Variants in HECTD4 observed in about 807,000 individuals in gnomAD.
HECTD4 encodes the protein probable E3 ubiquitin-protein ligase HECTD4.
In HECTD4, 114 loss-of-function variants were observed where a neutral mutation model predicts 471.5. The observed-to-expected ratio is 0.24, with a 90% CI of 0.21 to 0.28. The LOEUF is 0.28. HECTD4 is among the 10% of genes least tolerant of loss of function. The pLI is 1.00. For synonymous variants in HECTD4, 2,012 were observed against 2,256.0 expected (o/e 0.89, Z 3.07); for missense variants, 3,866 against 5,651.5 (o/e 0.68, Z 10.13).
chr12:112,300,015 A>G (rs2135672823), intron 7 of HECTD4, among the ~76,000 whole-genome samples: 2 of 152,302 alleles, frequency 1.3e-5, no homozygotes, highest in South Asian at 2.1e-4. Flanking sequence ...ACACTGAACT[A>G]TTAAAAAGGA....
intron 4 of HECTD4, among the ~76,000 whole-genome samples, chr12:112,311,526 C>A (rs1482384829): frequency 1.3e-5 from 2 of 148,688 alleles, no homozygotes; most frequent in African/African-American, 5.0e-5. Flanking sequence ...CAGGTGGCTA[C>A]GGTGGAAGGA....
intron 7 of HECTD4, among the ~76,000 whole-genome samples, chr12:112,293,364 C>CAAA (rs754332904): frequency 1.4e-5 from 1 of 69,882 alleles, no homozygotes; most frequent in East Asian, 3.1e-4. Flanking sequence ...GACTCTGTCT[C>CAAA]AAAAAAAAAA....
At chr12:112,208,322 G>A (rs1202182826) in intron 51 of HECTD4, among the ~76,000 whole-genome samples, 172 bp downstream of exon 51, 1 of 152,122 alleles carries the variant, frequency 6.6e-6, no homozygotes, top group East Asian at 1.9e-4. Flanking sequence ...TATTGATAGG[G>A]GTTTAGAAAA....
Position 112,381,149 on chromosome 12 carries a change from A to G in HECTD4, c.177+803T>C, listed in dbSNP as rs2036879486. Among the ~76,000 whole-genome samples the G allele has an allele frequency of 1.3e-5, 2 of 152,144 alleles. No homozygotes were observed. Among genetic ancestry groups the G allele is most frequent in the African/African-American group, 4.8e-5 (2 of 41,434 alleles). Reference sequence around the variant, plus strand: ...CACGAACCCAAGTGAAGTCGATGGAAAGTTCCCACCAACCAGGCATATTTG... The same window carrying G: ...CACGAACCCAAGTGAAGTCGATGGAGAGTTCCCACCAACCAGGCATATTTG... On this transcript the variant is annotated intron_variant, in intron 1 of 75. Coordinates refer to ENST00000682272, the MANE Select transcript of HECTD4 (RefSeq NM_001388303.1). This position sits in a 1 kb window ranked among gnomAD's most constrained non-coding sequence, Gnocchi z 4.1.
intron 17 of HECTD4, among the ~76,000 whole-genome samples, chr12:112,262,772 C>T (rs1006796353): frequency 3.3e-5 from 5 of 151,852 alleles, no homozygotes; most frequent in South Asian, 2.1e-4. Flanking sequence ...AGTGCCATCA[C>T]GCCCGGCTAA....
intron 16 of HECTD4, among the ~76,000 whole-genome samples, chr12:112,264,477 C>T (rs950174941): frequency 1.3e-5 from 2 of 151,986 alleles, no homozygotes; most frequent in African/African-American, 4.8e-5. Context: ...ATTATTCTTC[C>T]CCCTCCCTCT....
intron 68 of HECTD4, 109 bp downstream of exon 68, chr12:112,171,008 G>T: frequency 1.1e-6 from 1 of 869,910 alleles, no homozygotes; most frequent in Non-Finnish European, 1.7e-6. Flanking sequence ...AGGTGGGGTG[G>T]CATCTTCCTG....
At chr12:112,285,171 CT>C (rs2034724151) in intron 7 of HECTD4, among the ~76,000 whole-genome samples, 1 of 152,124 alleles carries the variant, frequency 6.6e-6, no homozygotes, top group Non-Finnish European at 1.5e-5. Context: ...ACACTTACCT[CT>C]GTGTAAAGTG....
rs915392130 is a variant in HECTD4, at chr12:112,162,722, G to A, written c.13121-199C>T. The A allele has an allele frequency of 2.1e-5, 13 of 619,294 alleles. No homozygotes were observed. Among genetic ancestry groups the A allele is most frequent in the African/African-American group, 1.1e-4 (6 of 54,132 alleles). The allele number at this position is 619,294 out of a possible 1,614,324, so 38.4% of individuals were successfully genotyped here. A position where few individuals can be genotyped will look rare whatever the true frequency, so the allele number is the denominator to read the frequency against. On this transcript the variant is annotated intron_variant, in intron 75 of 75. Transcript: ENST00000682272. The surrounding 1 kb of genome is among the most constrained non-coding windows in gnomAD (Gnocchi z 5.2). ...AAAGGGGAGAGAGCTGCTGGACAGC[G>A]CATGTGCCAAACTGCTGATGGGTTT...
In HECTD4 at chr12:112,382,180, C is replaced by T; in HGVS notation, c.-52G>A. 6 of 1,204,348 alleles carry T rather than the reference C, an allele frequency of 5.0e-6. No individual in the cohort carries two copies. The highest frequency in any genetic ancestry group is 5.2e-6 in the Non-Finnish European group (5 of 968,644). The allele number at this position is 1,204,348 out of a possible 1,614,324, so 74.6% of individuals were successfully genotyped here. On this transcript the variant is annotated 5_prime_UTR_variant, in exon 1 of 76. Transcript: ENST00000682272. ...GGAGCAGACGCCCGGCCGGGGGAAA[C>T]GGAGCAGGAGCCGCCGCGATCACCA...
At chr12:112,214,377 T>C (rs957937265) in intron 48 of HECTD4, among the ~76,000 whole-genome samples, 6 of 152,204 alleles carry the variant, frequency 3.9e-5, no homozygotes. Flanking sequence ...ATGGCTTAGG[T>C]ACCACAGGAA....
Position 112,308,741 on chromosome 12 carries a change from T to C in HECTD4, c.1164+12A>G. 1 of 1,524,882 alleles carries C rather than the reference T, an allele frequency of 6.6e-7. No individual in the cohort carries two copies. The allele number at this position is 1,524,882 out of a possible 1,614,324, so 94.5% of individuals were successfully genotyped here. A position where few individuals can be genotyped will look rare whatever the true frequency, so the allele number is the denominator to read the frequency against. Reference sequence around the variant, plus strand: ...AAAATATGTTTTAAAAATGCCTTGGTTTTCTGTTTACCTGAAGGGTGTTCT... The same window carrying C: ...AAAATATGTTTTAAAAATGCCTTGGCTTTCTGTTTACCTGAAGGGTGTTCT... On this transcript the variant is annotated intron_variant, in intron 6 of 75. Transcript: ENST00000682272.
intron 60 of HECTD4, among the ~76,000 whole-genome samples, chr12:112,187,513 C>T (rs578110922): frequency 2.0e-5 from 3 of 152,046 alleles, no homozygotes; most frequent in Admixed American, 1.3e-4. Flanking sequence ...GCTGGGATTA[C>T]AGGCGTGAGA....
At chr12:112,264,388 A>T (rs1593989552) in intron 16 of HECTD4, among the ~76,000 whole-genome samples, 176 bp from the exon 17 acceptor site, 1 of 152,212 alleles carries the variant, frequency 6.6e-6, no homozygotes, top group Admixed American at 6.5e-5. Context: ...ATACTTTGAC[A>T]CACTTACTAT....
Position 112,253,991 on chromosome 12 carries a change from G to A in HECTD4, c.3447+52C>T, listed in dbSNP as rs998068253. Reference sequence around the variant, plus strand: ...TACAGTTAGTACTTGGACCTGTGAGGACTGCAAGTTCATTTTCTTTTCTAG... The same window carrying A: ...TACAGTTAGTACTTGGACCTGTGAGAACTGCAAGTTCATTTTCTTTTCTAG... On this transcript the variant is annotated intron_variant, in intron 22 of 75. Transcript: ENST00000682272. The A allele has an allele frequency of 1.9e-6, 3 of 1,597,900 alleles. No homozygotes were observed. The South Asian group carries it at 3.3e-5, about 18-fold the overall frequency.
At position 112,161,747 on chromosome 12, in the gene HECTD4, T is replaced by C. The variant is rs2030698149; in HGVS notation, c.*640A>G. On this transcript the variant is annotated 3_prime_UTR_variant, in exon 76 of 76. Transcript: ENST00000682272. ...AGGGCCCAAAGAGACAGACGGCAGA[T>C]AGGGAGGTATGGGAGGGGCAGGGGA... is the stretch of plus-strand genomic sequence containing the variant. The C allele has an allele frequency of 6.6e-6, 1 of 152,050 alleles. No individual in the cohort carries two copies. Among genetic ancestry groups the C allele is most frequent in the African/African-American group, 2.4e-5 (1 of 41,352 alleles). The allele number at this position is 152,050 out of a possible 1,614,324, so 9.4% of individuals were successfully genotyped here.
At chr12:112,256,678 C>G (rs926386205) in intron 20 of HECTD4, 160 bp from the exon 21 acceptor site, 1 of 425,982 alleles carries the variant, frequency 2.3e-6, no homozygotes, top group Non-Finnish European at 4.0e-6. Flanking sequence ...TTTAAAAATT[C>G]CTACATTTAA....
chr12:112,253,339 G>A (rs1461725735), intron 22 of HECTD4, among the ~76,000 whole-genome samples: 1 of 151,926 alleles, frequency 6.6e-6, no homozygotes, highest in Non-Finnish European at 1.5e-5. Context: ...TGGCCAGGCT[G>A]GTCTCAAACT....
intron 58 of HECTD4, 84 bp downstream of exon 58, chr12:112,192,977 G>C: frequency 6.5e-7 from 1 of 1,531,018 alleles, no homozygotes; most frequent in South Asian, 1.2e-5. Flanking sequence ...TCAGTGATTT[G>C]AATTTTTTTC....
Sources: allele counts gnomAD v4.1 joint callset (sites outside exome capture counted in the v4.1 genomes callset), GRCh38; gene constraint gnomAD v4.1.1; non-coding constraint Gnocchi (gnomAD v3.1); transcripts MANE v1.5; gene names NCBI Gene and HGNC (gene_info 2026-07-23, HGNC 2026-07-21).